The following MSRA variants were observed in gnomAD, a reference collection of about 807,000 sequenced individuals.
MSRA encodes the protein mitochondrial peptide methionine sulfoxide reductase.
In MSRA, 54 loss-of-function variants were observed where a neutral mutation model predicts 31.3. The observed-to-expected ratio is 1.73, with a 90% CI of 1.39 to 2.17. The LOEUF is 2.17. Ranked by LOEUF, MSRA falls within the 30% of genes most tolerant of loss-of-function variation. The probability of loss-of-function intolerance (pLI) is 0.00; values close to 1 mark genes in which losing one functional copy is unlikely to be tolerated. For synonymous variants in MSRA, 169 were observed against 116.5 expected, an observed-to-expected ratio of 1.45 and a Z score of -2.90; for missense variants, 507 against 300.9, an observed-to-expected ratio of 1.69 and a Z score of -5.07.
At chr8:10,090,276 C>A (rs934040035) in intron 1 of MSRA, among the ~76,000 whole-genome samples, 1 of 152,062 alleles carries the variant, frequency 6.6e-6, no homozygotes, top group African/African-American at 2.4e-5. Context: ...AGAGCCAGAA[C>A]CAACAGAGCT....
chr8:10,300,822 A>T (rs550562783), intron 3 of MSRA, among the ~76,000 whole-genome samples: 9 of 152,238 alleles, frequency 5.9e-5, no homozygotes, highest in Non-Finnish European at 1.3e-4. Context: ...TGAATTTCAC[A>T]GGTACAAGCA....
intron 2 of MSRA, among the ~76,000 whole-genome samples, chr8:10,226,197 G>GAGT (rs997628135): frequency 6.6e-6 from 1 of 152,208 alleles, no homozygotes; most frequent in African/African-American, 2.4e-5. Context: ...TGAAAACACT[G>GAGT]AGTATCTCAA....
In MSRA at chr8:10,301,614, T is replaced by C. The variant is rs778547636; in HGVS notation, c.412T>C (p.Trp138Arg). 6.2e-7 allele frequency: 1 copy of C among 1,614,136 alleles called. No individual in the cohort carries two copies. Among genetic ancestry groups the C allele is most frequent in the South Asian group, 1.1e-5 (1 of 91,074 alleles). ...TTTTGAGGAACTGCTCAAGGTCTTCTGGGAGAATCACGACCCGACCCAAGG... is the reference window on the plus strand; with the variant it reads ...TTTTGAGGAACTGCTCAAGGTCTTCCGGGAGAATCACGACCCGACCCAAGG... ...MSFEELLKVFWENHDPTQGMR... is the reference protein window; with the variant it reads ...MSFEELLKVFRENHDPTQGMR... Residue 138 changes from tryptophan (W) to arginine (R), a missense_variant, in exon 4 of 6, where the codon TGG (tryptophan) becomes CGG (arginine). Coordinates refer to ENST00000317173, the MANE Select transcript of MSRA (RefSeq NM_012331.5).
intron 1 of MSRA, among the ~76,000 whole-genome samples, chr8:10,131,367 T>A (rs1381823511): frequency 6.6e-6 from 1 of 152,196 alleles, no homozygotes; most frequent in Non-Finnish European, 1.5e-5. Flanking sequence ...GGAAATGGTA[T>A]TTAACTATTT....
intron 1 of MSRA, among the ~76,000 whole-genome samples, chr8:10,068,669 G>A (rs892691418): frequency 6.6e-6 from 1 of 152,168 alleles, no homozygotes; most frequent in Non-Finnish European, 1.5e-5. Flanking sequence ...TGTCAGAATA[G>A]ACAAATGTCT....
intron 1 of MSRA, chr8:10,095,544 G>T: frequency 2.6e-5 from 26 of 985,662 alleles, no homozygotes; most frequent in Non-Finnish European, 3.1e-5. Flanking sequence ...GCCATACTGG[G>T]AGCAAAAGAG....
intron 5 of MSRA, among the ~76,000 whole-genome samples, chr8:10,418,502 A>G (rs923990415): frequency 3.9e-5 from 6 of 152,106 alleles, no homozygotes; most frequent in Admixed American, 3.3e-4. Context: ...GGATGTAATC[A>G]TGGTTGGATG....
intron 5 of MSRA, among the ~76,000 whole-genome samples, chr8:10,396,155 A>G (rs1807084495): frequency 6.6e-6 from 1 of 152,044 alleles, no homozygotes; most frequent in African/African-American, 2.4e-5. Context: ...TACTGGGGCC[A>G]CTTTCCGTGC....
chr8:10,369,965 A>G (rs574481010), intron 5 of MSRA, among the ~76,000 whole-genome samples: 2 of 152,350 alleles, frequency 1.3e-5, no homozygotes, highest in East Asian at 3.9e-4. Context: ...TCTAACATCA[A>G]ATCCTTGATG....
At chr8:10,285,749 C>T (rs957443548) in intron 3 of MSRA, among the ~76,000 whole-genome samples, 3 of 152,034 alleles carry the variant, frequency 2.0e-5, no homozygotes, top group African/African-American at 4.8e-5. Context: ...CGGTATTTAT[C>T]TTCCTATGCC....
intron 5 of MSRA, among the ~76,000 whole-genome samples, chr8:10,406,725 T>G (rs1224678373): frequency 6.6e-6 from 1 of 152,216 alleles, no homozygotes; most frequent in Admixed American, 6.5e-5. Flanking sequence ...CTGTGCTTGT[T>G]CCTTTGATTT....
At chr8:10,096,838 G>A (rs1270544679) in intron 1 of MSRA, among the ~76,000 whole-genome samples, 1 of 152,132 alleles carries the variant, frequency 6.6e-6, no homozygotes, top group African/African-American at 2.4e-5. Context: ...CACCCTGATT[G>A]TAAGTATTCT....
rs138850633 is a variant in MSRA, at chr8:10,095,417, G to A, written c.142+40759G>A. The stretch of plus-strand genomic sequence containing the variant: ...CTGTTGGTGCCAGGATTTGGGTACC[G>A]TACCACGGTTTCCTGTTTTCAAATG... On this transcript the variant is annotated intron_variant, in intron 1 of 5. Coordinates refer to ENST00000317173, the MANE Select transcript of MSRA (RefSeq NM_012331.5). 196 of 955,850 alleles carry A rather than the reference G, an allele frequency of 2.1e-4. No individual in the cohort carries two copies. In the African/African-American group the frequency reaches 2.9e-3, roughly 14 times the overall value. The allele number at this position is 955,850 out of a possible 1,614,324, so 59.2% of individuals were successfully genotyped here.
At chr8:10,342,597 G>A (rs1803497570) in intron 5 of MSRA, among the ~76,000 whole-genome samples, 2 of 152,226 alleles carry the variant, frequency 1.3e-5, no homozygotes. Flanking sequence ...AAGCACAGAA[G>A]TCAAATCTGA....
At chr8:10,187,751 A>G (rs1258867590) in intron 1 of MSRA, among the ~76,000 whole-genome samples, 1 of 152,204 alleles carries the variant, frequency 6.6e-6, no homozygotes, top group Non-Finnish European at 1.5e-5. Flanking sequence ...TGTATTTGAT[A>G]AACATCATGT....
intron 2 of MSRA, among the ~76,000 whole-genome samples, chr8:10,242,627 A>G (rs1797394532): frequency 1.3e-5 from 2 of 152,146 alleles, no homozygotes; most frequent in South Asian, 2.1e-4. Context: ...AATAGTGCAT[A>G]CTATATTTTA....
At chr8:10,226,055 C>G (rs576798141) in intron 2 of MSRA, among the ~76,000 whole-genome samples, 2 of 152,318 alleles carry the variant, frequency 1.3e-5, no homozygotes, top group Non-Finnish European at 2.9e-5. Flanking sequence ...TTCTTAGCCT[C>G]TGGACCTCAT....
At chr8:10,224,382 C>T (rs186168103) in intron 2 of MSRA, among the ~76,000 whole-genome samples, 24 of 152,272 alleles carry the variant, frequency 1.6e-4, no homozygotes, top group East Asian at 5.8e-4. Context: ...TGAAGTCTCT[C>T]GCTACAGCCC....
chr8:10,057,891 A>T (rs545330331), intron 1 of MSRA, among the ~76,000 whole-genome samples: 2 of 152,296 alleles, frequency 1.3e-5, no homozygotes, highest in African/African-American at 4.8e-5. Context: ...GTAGTTCTTT[A>T]TAGCAGTGTG....
Sources: gnomAD v4.1 joint callset for allele counts (sites outside exome capture counted in the v4.1 genomes callset) on GRCh38, gnomAD v4.1.1 for gene constraint, MANE v1.5 for transcripts, NCBI Gene and HGNC (gene_info 2026-07-23, HGNC 2026-07-21) for gene names.